DAB1: variants seen among roughly 807,000 people sequenced by gnomAD.
The protein encoded by DAB1 is DAB adaptor protein 1.
In DAB1, 15 loss-of-function variants were observed where a neutral mutation model predicts 64.6. The ratio of observed to expected loss-of-function variants is 0.23; its 90% CI spans 0.16 to 0.36. The LOEUF (loss-of-function observed/expected upper bound fraction) is 0.36, where lower values mean the gene tolerates loss of function less well. Ranked by LOEUF, DAB1 falls within the 10% of genes least tolerant of loss-of-function variation. The pLI is 1.00. For synonymous variants in DAB1, 235 were observed against 251.9 expected, an observed-to-expected ratio of 0.93 and a Z score of 0.64; for missense variants, 596 against 706.7, an observed-to-expected ratio of 0.84 and a Z score of 1.78.
At chr1:57,221,443 CAAA>C (rs386367039) in intron 2 of DAB1, among the ~76,000 whole-genome samples, 1 of 127,688 alleles carries the variant, frequency 7.8e-6, no homozygotes. Flanking sequence ...TGTGGCATTA[CAAA>C]AAAAAAAAAA....
chr1:57,777,251 C>G (rs1424397619), intron 6 of DAB1, among the ~76,000 whole-genome samples: 1 of 129,648 alleles, frequency 7.7e-6, no homozygotes, highest in Non-Finnish European at 1.6e-5. Context: ...TTCATTTTAT[C>G]ATTTGTATTC....
At chr1:57,211,838 C>T (rs1666032278) in intron 2 of DAB1, among the ~76,000 whole-genome samples, 1 of 152,068 alleles carries the variant, frequency 6.6e-6, no homozygotes, top group Admixed American at 6.5e-5. Context: ...CTAGGTATTA[C>T]AGGTAGTCTA....
intron 5 of DAB1, among the ~76,000 whole-genome samples, chr1:58,109,745 T>C (rs1172408016): frequency 1.3e-5 from 2 of 151,406 alleles, no homozygotes; most frequent in Non-Finnish European, 2.9e-5. Context: ...ACTTCTCCAA[T>C]GGCAAAGGGG....
chr1:58,082,827 C>A (rs950966840), intron 5 of DAB1, among the ~76,000 whole-genome samples: 1 of 152,002 alleles, frequency 6.6e-6, no homozygotes, highest in African/African-American at 2.4e-5. Context: ...GGGTGGCCAC[C>A]AGGAGTTTGG....
chr1:57,768,414 A>G (rs534261446), intron 6 of DAB1, among the ~76,000 whole-genome samples: 24 of 151,880 alleles, frequency 1.6e-4, no homozygotes, highest in African/African-American at 5.5e-4. Flanking sequence ...TAAGTACTTA[A>G]GTGTTAGCTT....
chr1:57,811,545 T>A (rs1447932759), intron 6 of DAB1, among the ~76,000 whole-genome samples: 1 of 152,200 alleles, frequency 6.6e-6, no homozygotes, highest in Non-Finnish European at 1.5e-5. Context: ...CATGAACCAA[T>A]TAAATCTGTC....
At position 58,380,432 on chromosome 1, in the gene DAB1, T is replaced by C. The variant is rs369139808; in HGVS notation, n.258-37029A>G. On this transcript the variant is annotated intron_variant and non_coding_transcript_variant, in intron 3 of 20. Coordinates refer to the DAB1 transcript ENST00000485760. ...GAACTGTGAGTCAATTAAACCTGTT[T>C]TCTTCATGAATTACCCAGTCTCAGG... Among the ~76,000 whole-genome samples the C allele has an allele frequency of 1.6e-3, 246 of 152,356 alleles. 3 individuals are homozygous for C. The Middle Eastern group carries it at 0.027, about 17-fold the overall frequency.
At position 57,060,397 on chromosome 1, in the gene DAB1, G is replaced by A. The variant is rs745659107; in HGVS notation, c.723+2487C>T. 4.6e-5 allele frequency among the ~76,000 whole-genome samples: 7 copies of A among 152,004 alleles called. No homozygotes were observed. The South Asian group carries it at 6.2e-4, about 14-fold the overall frequency. On this transcript the variant is annotated intron_variant, in intron 9 of 14. Coordinates refer to ENST00000371236, the MANE Select transcript of DAB1 (RefSeq NM_001365792.1). Reference sequence around the variant, plus strand: ...GAACTCCTGACCTCATGATCTGCTCGCCTCGGCCTCCCAAAGTACTGGAAT... The same window carrying A: ...GAACTCCTGACCTCATGATCTGCTCACCTCGGCCTCCCAAAGTACTGGAAT...
At chr1:57,781,234 A>G (rs891660478) in intron 6 of DAB1, among the ~76,000 whole-genome samples, 1 of 148,382 alleles carries the variant, frequency 6.7e-6, no homozygotes, top group Admixed American at 6.8e-5. Flanking sequence ...GATTATTGTT[A>G]AAGCTGAATA....
chr1:57,300,283 A>G (rs1401407520), intron 1 of DAB1, among the ~76,000 whole-genome samples: 1 of 152,240 alleles, frequency 6.6e-6, no homozygotes, highest in Non-Finnish European at 1.5e-5. Flanking sequence ...TCAAATTATT[A>G]GGGAGGGAAA....
chr1:58,505,810 C>A (rs949365480), intron 3 of DAB1, among the ~76,000 whole-genome samples: 1 of 152,048 alleles, frequency 6.6e-6, no homozygotes, highest in Non-Finnish European at 1.5e-5. Context: ...AAATTAAAGT[C>A]TCATACTAAA....
intron 7 of DAB1, among the ~76,000 whole-genome samples, chr1:57,648,117 G>C (rs1188891071): frequency 6.6e-6 from 1 of 152,178 alleles, no homozygotes; most frequent in Non-Finnish European, 1.5e-5. Context: ...CTCTACCTCA[G>C]AGAATAGCTT....
chr1:57,292,486 G>A (rs1244404040), intron 1 of DAB1, among the ~76,000 whole-genome samples: 4 of 152,094 alleles, frequency 2.6e-5, no homozygotes, highest in Non-Finnish European at 5.9e-5. Context: ...CACAGAAAAT[G>A]AGAATTTATC....
At chr1:57,749,731 G>C (rs1327439379) in intron 6 of DAB1, among the ~76,000 whole-genome samples, 2 of 152,076 alleles carry the variant, frequency 1.3e-5, no homozygotes, top group African/African-American at 4.8e-5. Context: ...GGAGAAAGTA[G>C]AACAGAGAAA....
intron 3 of DAB1, among the ~76,000 whole-genome samples, chr1:58,470,389 G>T (rs1336135684): frequency 1.3e-5 from 2 of 151,986 alleles, no homozygotes; most frequent in Non-Finnish European, 2.9e-5. Flanking sequence ...TCCCAGGCTG[G>T]TCTTGAACTC....
intron 2 of DAB1, among the ~76,000 whole-genome samples, chr1:57,169,468 G>A (rs962394467): frequency 6.6e-6 from 1 of 152,126 alleles, no homozygotes; most frequent in Non-Finnish European, 1.5e-5. Context: ...CATAGCCAAC[G>A]GGAATTTATC....
chr1:57,439,433 T>TTTTTTTTGTTTTTTTTTTTTGTTTG lies in DAB1; in HGVS notation n.626-148268_626-148267insCAAACAAAAAAAAAAAACAAAAAAA, dbSNP rs1553181976. 4.5e-5 allele frequency among the ~76,000 whole-genome samples: 6 copies of TTTTTTTTGTTTTTTTTTTTTGTTTG among 131,980 alleles called. No individual in the cohort carries two copies. In the South Asian group the frequency reaches 1.4e-3, roughly 30 times the overall value. 86.6% of individuals were successfully genotyped at this position (131,980 alleles called of 152,430 possible). On this transcript the variant is annotated intron_variant and non_coding_transcript_variant, in intron 7 of 20. Coordinates refer to the DAB1 transcript ENST00000485760. ...TGGTGATGAGGTTTTTTCTTTTTTT[T>TTTTTTTTGTTTTTTTTTTTTGTTTG]TTTTTTTTTTTTTTGAGACGGAGTC...
At position 58,146,142 on chromosome 1, in the gene DAB1, G is replaced by T. The variant is rs146772360; in HGVS notation, n.387+4369C>A. ...TAAATTTGTGTTAATTGACTGTTTA[G>T]GTTATTGGTAAGGCTTCTGGTCAAC... On this transcript the variant is annotated intron_variant and non_coding_transcript_variant, in intron 5 of 20. Coordinates refer to the DAB1 transcript ENST00000485760. Among the ~76,000 whole-genome samples, 226 of 152,198 alleles carry T rather than the reference G, an allele frequency of 1.5e-3. 1 individual carries two copies. The highest frequency in any genetic ancestry group is 5.3e-3 in the African/African-American group (219 of 41,504).
At chr1:58,100,321 A>T (rs1337054570) in intron 5 of DAB1, among the ~76,000 whole-genome samples, 1 of 152,190 alleles carries the variant, frequency 6.6e-6, no homozygotes, top group Non-Finnish European at 1.5e-5. Flanking sequence ...AAAATATCCC[A>T]CATAAGTGGA....
Sources: gnomAD v4.1 joint callset for allele counts (sites outside exome capture counted in the v4.1 genomes callset) on GRCh38, gnomAD v4.1.1 for gene constraint, MANE v1.5 for transcripts, NCBI Gene and HGNC (gene_info 2026-07-23, HGNC 2026-07-21) for gene names.